The following CLEC16A variants were observed in gnomAD, a reference collection of about 807,000 sequenced individuals.
The protein encoded by CLEC16A is C-type lectin domain containing 16A, also known as protein CLEC16A.
CLEC16A carries 51 observed loss-of-function variants against 109.5 expected under a neutral mutation model. The observed-to-expected ratio is 0.47, with a 90% CI of 0.37 to 0.59. The LOEUF (loss-of-function observed/expected upper bound fraction) is 0.59. Ranked by LOEUF, CLEC16A falls within the 20% of genes least tolerant of loss-of-function variation. CLEC16A has a pLI of 0.00. For missense variants in CLEC16A, 1,339 were observed against 1,394.0 expected, an observed-to-expected ratio of 0.96 and a Z score of 0.63; for synonymous variants, 673 against 564.2, an observed-to-expected ratio of 1.19 and a Z score of -2.73.
At chr16:11,039,435 G>A (rs909398951) in intron 13 of CLEC16A, among the ~76,000 whole-genome samples, 2 of 152,068 alleles carry the variant, frequency 1.3e-5, no homozygotes, top group African/African-American at 2.4e-5. Context: ...AGAGCTCTGC[G>A]ATAAGTTATG....
intron 10 of CLEC16A, among the ~76,000 whole-genome samples, chr16:10,988,379 C>G (rs552579125): frequency 9.2e-5 from 14 of 152,248 alleles, no homozygotes; most frequent in Non-Finnish European, 1.0e-4. Context: ...CGACCTGACC[C>G]CTGCCCTCCC....
rs2045843960 is a variant in CLEC16A at position 11,017,742 on chromosome 16, C to A, written c.1304-2451C>A. ...TGGTCCTCCTCCTCAAAACCTGTAACCCCAGTCTAAATAGCAGAAAGACAT... is the reference window on the plus strand; with the variant it reads ...TGGTCCTCCTCCTCAAAACCTGTAAACCCAGTCTAAATAGCAGAAAGACAT... On this transcript the variant is annotated intron_variant, in intron 11 of 23. Coordinates refer to ENST00000409790, the MANE Select transcript of CLEC16A (RefSeq NM_015226.3). Among the ~76,000 whole-genome samples, 4 of 152,094 alleles carry A rather than the reference C, an allele frequency of 2.6e-5. No individual in the cohort carries two copies. In the South Asian group the frequency reaches 8.3e-4, roughly 32 times the overall value.
chr16:11,160,435 TTGCACCACA>T (rs1377931396), intron 22 of CLEC16A, among the ~76,000 whole-genome samples: 1 of 152,152 alleles, frequency 6.6e-6, no homozygotes, highest in Non-Finnish European at 1.5e-5. Context: ...AAAAGTCCAC[TTGCACCACA>T]TGGGAAAGAG....
intron 19 of CLEC16A, among the ~76,000 whole-genome samples, chr16:11,114,601 C>G (rs1171621856): frequency 6.6e-6 from 1 of 152,158 alleles, no homozygotes; most frequent in Non-Finnish European, 1.5e-5. Context: ...AGAGGGTGGG[C>G]CGAGTTGGAT....
intron 17 of CLEC16A, among the ~76,000 whole-genome samples, chr16:11,050,243 A>C (rs2152877853): frequency 6.6e-6 from 1 of 152,308 alleles, no homozygotes; most frequent in Admixed American, 6.5e-5. Flanking sequence ...ACATTACTCC[A>C]TTCATGAGAC....
chr16:11,109,792 C>A (rs1246006813), intron 19 of CLEC16A, among the ~76,000 whole-genome samples: 3 of 152,224 alleles, frequency 2.0e-5, no homozygotes, highest in Non-Finnish European at 4.4e-5. Context: ...TGTTCCTCAG[C>A]CCCTCCTGAC....
chr16:10,980,339 C>A (rs745438121), intron 9 of CLEC16A, among the ~76,000 whole-genome samples: 1 of 152,104 alleles, frequency 6.6e-6, no homozygotes, highest in Non-Finnish European at 1.5e-5. Context: ...GTCTGAATGC[C>A]GCTCTGTACG....
At chr16:11,058,525 T>C in intron 18 of CLEC16A, among the ~76,000 whole-genome samples, 1 of 93,416 alleles carries the variant, frequency 1.1e-5, no homozygotes, top group Middle Eastern at 5.4e-3. Flanking sequence ...GATGCAACCC[T>C]TTTTTTTTTT....
intron 13 of CLEC16A, among the ~76,000 whole-genome samples, chr16:11,029,947 C>G (rs2046641633): frequency 6.6e-6 from 1 of 152,168 alleles, no homozygotes; most frequent in Non-Finnish European, 1.5e-5. Context: ...ATTAGTTTTG[C>G]ACTTTCTAAA....
At chr16:11,154,530 C>T (rs1419610102) in intron 22 of CLEC16A, among the ~76,000 whole-genome samples, 1 of 152,236 alleles carries the variant, frequency 6.6e-6, no homozygotes, top group Non-Finnish European at 1.5e-5. Flanking sequence ...GTCATAACAG[C>T]TAATGTGAGG....
At chr16:11,124,884 C>T (rs912048063) in intron 21 of CLEC16A, among the ~76,000 whole-genome samples, 2 of 152,098 alleles carry the variant, frequency 1.3e-5, no homozygotes, top group African/African-American at 4.8e-5. Flanking sequence ...CCCAGGAATT[C>T]GAGGCCAGCC....
chr16:11,070,640 A>G (rs1309107177), intron 19 of CLEC16A: 1 of 152,050 alleles, frequency 6.6e-6, no homozygotes, highest in African/African-American at 2.4e-5. Context: ...CATGTTCTTC[A>G]TTTGTTCAAA....
chr16:11,166,017 G>C (rs1045373583), intron 22 of CLEC16A, among the ~76,000 whole-genome samples: 1 of 152,146 alleles, frequency 6.6e-6, no homozygotes, highest in African/African-American at 2.4e-5. Context: ...GCAGAAGCCT[G>C]AGACTCTACC....
chr16:11,016,458 C>T (rs2045758645), intron 11 of CLEC16A, among the ~76,000 whole-genome samples: 2 of 151,726 alleles, frequency 1.3e-5, no homozygotes, highest in Non-Finnish European at 2.9e-5. Context: ...AAGCGATTCT[C>T]ATGCCTCAGC....
At chr16:11,005,253 G>A (rs966404563) in intron 11 of CLEC16A, among the ~76,000 whole-genome samples, 5 of 152,198 alleles carry the variant, frequency 3.3e-5, no homozygotes, top group Non-Finnish European at 5.9e-5. Flanking sequence ...GGCCAGTTCT[G>A]CAGGCTGCTG....
chr16:11,175,108 C>A (rs1597640577), intron 23 of CLEC16A, among the ~76,000 whole-genome samples: 3 of 152,344 alleles, frequency 2.0e-5, no homozygotes, highest in Admixed American at 6.5e-5. Context: ...CTCAGCCCCA[C>A]CTTTTCCCAG....
intron 10 of CLEC16A, among the ~76,000 whole-genome samples, chr16:10,990,910 G>C (rs187567575): frequency 7.2e-5 from 11 of 152,298 alleles, no homozygotes; most frequent in African/African-American, 2.6e-4. Context: ...AGCCTCTTCG[G>C]ATATTTGTGA....
chr16:11,098,470 T>C (rs959500804), intron 19 of CLEC16A, among the ~76,000 whole-genome samples: 1 of 152,214 alleles, frequency 6.6e-6, no homozygotes, highest in African/African-American at 2.4e-5. Context: ...GCCTCTTCAG[T>C]AAGGAGACGT....
intron 7 of CLEC16A, among the ~76,000 whole-genome samples, chr16:10,975,070 C>T (rs7201325): frequency 1.3e-5 from 2 of 152,040 alleles, no homozygotes; most frequent in Non-Finnish European, 2.9e-5. Context: ...GGGCTGGGTG[C>T]GGTGGCTCAC....
Sources: gnomAD v4.1 joint callset for allele counts (sites outside exome capture counted in the v4.1 genomes callset) on GRCh38, gnomAD v4.1.1 for gene constraint, MANE v1.5 for transcripts, NCBI Gene and HGNC (gene_info 2026-07-23, HGNC 2026-07-21) for gene names.